GALNT17: variants seen among roughly 807,000 people sequenced by gnomAD.
GALNT17 encodes the protein polypeptide N-acetylgalactosaminyltransferase 17.
In GALNT17, 29 loss-of-function variants were observed where a neutral mutation model predicts 63.7. That is an observed-to-expected ratio of 0.46 (90% CI 0.34 to 0.62). The LOEUF (loss-of-function observed/expected upper bound fraction) is 0.62, where lower values mean the gene tolerates loss of function less well. GALNT17 is among the 20% of genes least tolerant of loss of function. GALNT17 has a pLI of 0.01. For missense variants in GALNT17, 603 were observed against 799.6 expected (o/e 0.75, Z 2.97); for synonymous variants, 305 against 318.3 (o/e 0.96, Z 0.45).
At chr7:71,406,754 A>T (rs1371208171) in intron 3 of GALNT17, among the ~76,000 whole-genome samples, 2 of 143,264 alleles carry the variant, frequency 1.4e-5, no homozygotes, top group Non-Finnish European at 1.5e-5. Flanking sequence ...TTTTTTTGAG[A>T]TCGCATCTTA....
chr7:71,138,974 C>T (rs1330071284), intron 1 of GALNT17, among the ~76,000 whole-genome samples: 1 of 152,012 alleles, frequency 6.6e-6, no homozygotes, highest in Non-Finnish European at 1.5e-5. Flanking sequence ...GATTTGGTCT[C>T]AAATAAATAA....
intron 1 of GALNT17, among the ~76,000 whole-genome samples, chr7:71,210,870 A>G (rs1789362316): frequency 6.6e-6 from 1 of 152,244 alleles, no homozygotes; most frequent in African/African-American, 2.4e-5. Context: ...GTCAACAGAC[A>G]TGAGCTCTTA....
intron 9 of GALNT17, among the ~76,000 whole-genome samples, chr7:71,696,059 A>G (rs1171741268): frequency 6.6e-6 from 1 of 152,226 alleles, no homozygotes; most frequent in Non-Finnish European, 1.5e-5. Flanking sequence ...ATCTGAATTA[A>G]TGGAATATAT....
chr7:71,563,579 C>CT lies in GALNT17; in HGVS notation c.963-7696dup, dbSNP rs201083247. On this transcript the variant is annotated intron_variant, in intron 5 of 10. Coordinates refer to ENST00000333538, the MANE Select transcript of GALNT17 (RefSeq NM_022479.3). ...CTGGCCTGTCCATGGGCAGATATGT[C>CT]TTTTTTTTTTCTTTTTAAATTTGTT... Among the ~76,000 whole-genome samples, 175 of 149,968 alleles carry CT rather than the reference C, an allele frequency of 1.2e-3. 3 individuals carry two copies. The East Asian group carries it at 0.027, about 23-fold the overall frequency.
intron 4 of GALNT17, among the ~76,000 whole-genome samples, chr7:71,418,028 C>T (rs1786571553): frequency 6.6e-6 from 1 of 152,206 alleles, no homozygotes; most frequent in South Asian, 2.1e-4. Context: ...AGATGCCTAC[C>T]ATATCCCTGG....
chr7:71,571,071 ACCAGTACATGCTAGGCTGGAAC>A (rs1373899087), intron 5 of GALNT17, among the ~76,000 whole-genome samples, 192 bp from the exon 6 acceptor site: 11,519 of 124,026 alleles, frequency 0.093, 3,064 homozygotes, highest in Middle Eastern at 0.16. Context: ...CTAGGCTGGA[ACCAGTACATGCTAGGCTGGAAC>A]CCAGTACATG....
At chr7:71,233,803 A>G (rs372945598) in intron 1 of GALNT17, among the ~76,000 whole-genome samples, 1 of 152,178 alleles carries the variant, frequency 6.6e-6, no homozygotes, top group South Asian at 2.1e-4. Context: ...GGGACTGGGT[A>G]ATTCATAAAG....
In GALNT17 at chr7:71,156,616, T is replaced by TCCTC. The variant is rs1554333974; in HGVS notation, c.238+23578_238+23581dup. Among the ~76,000 whole-genome samples, 231 of 143,770 alleles carry TCCTC rather than the reference T, an allele frequency of 1.6e-3. 3 individuals carry two copies. The highest frequency in any genetic ancestry group is 5.0e-3 in the African/African-American group (195 of 38,778). 94.3% of individuals were successfully genotyped at this position (143,770 alleles called of 152,430 possible). ...TTCCTTCCTTCCTTCCTTCCTTCCT[T>TCCTC]CCTCCATTCTTTGCCTTCCTTCCCT... On this transcript the variant is annotated intron_variant, in intron 1 of 10. Transcript: ENST00000333538.
intron 1 of GALNT17, among the ~76,000 whole-genome samples, chr7:71,198,335 G>A (rs532877703): frequency 1.4e-4 from 21 of 152,118 alleles, no homozygotes; most frequent in Admixed American, 2.6e-4. Flanking sequence ...ATAACTAACC[G>A]AAATGGGTGT....
At chr7:71,627,317 C>G (rs145605257) in intron 6 of GALNT17, among the ~76,000 whole-genome samples, 23 of 152,314 alleles carry the variant, frequency 1.5e-4, no homozygotes, top group African/African-American at 5.5e-4. Flanking sequence ...GAGCAACAGC[C>G]TTTCCAGGGG....
intron 5 of GALNT17, among the ~76,000 whole-genome samples, chr7:71,544,643 G>C (rs1456940441): frequency 6.6e-6 from 1 of 152,044 alleles, no homozygotes; most frequent in Non-Finnish European, 1.5e-5. Flanking sequence ...CTTGCCTGGG[G>C]GGAGTAGTTG....
Position 71,232,447 on chromosome 7 carries a change from A to AG in GALNT17, c.238+99413dup, listed in dbSNP as rs1165058893. ...TATTTTAGCCAAAGCAGTGGGGAGTAGGGGGGAGTCACAGATATAGGGCAT... is the reference window on the plus strand; with the variant it reads ...TATTTTAGCCAAAGCAGTGGGGAGTAGGGGGGGAGTCACAGATATAGGGCAT... On this transcript the variant is annotated intron_variant, in intron 1 of 10. Coordinates refer to ENST00000333538, the MANE Select transcript of GALNT17 (RefSeq NM_022479.3). 2.0e-5 allele frequency among the ~76,000 whole-genome samples: 3 copies of AG among 151,940 alleles called. No individual in the cohort carries two copies. The East Asian group carries it at 5.8e-4, about 29-fold the overall frequency.
At chr7:71,177,076 T>A (rs1788652155) in intron 1 of GALNT17, among the ~76,000 whole-genome samples, 2 of 152,150 alleles carry the variant, frequency 1.3e-5, no homozygotes, top group Admixed American at 1.3e-4. Context: ...CTCTGGGTTC[T>A]CCATGGAGTG....
In GALNT17 at chr7:71,511,015, A is replaced by G. The variant is rs181541403; in HGVS notation, c.963-60270A>G. Among the ~76,000 whole-genome samples the G allele has an allele frequency of 3.4e-3, 524 of 152,102 alleles. 6 individuals carry two copies. The highest frequency in any genetic ancestry group is 0.015 in the South Asian group (73 of 4,818). On this transcript the variant is annotated intron_variant, in intron 5 of 10. Coordinates refer to ENST00000333538, the MANE Select transcript of GALNT17 (RefSeq NM_022479.3). ...TAGTAAGACCCCATCTTCACAAATA[A>G]TAATAATAATGATAGAATTAGCCAG...
chr7:71,440,366 C>G (rs2116515498), intron 5 of GALNT17, among the ~76,000 whole-genome samples: 1 of 126,192 alleles, frequency 7.9e-6, no homozygotes, highest in African/African-American at 3.1e-5. Flanking sequence ...AGAACTCTTT[C>G]TTTCTTAATT....
At chr7:71,430,001 C>T (rs1332315233) in intron 5 of GALNT17, among the ~76,000 whole-genome samples, 1 of 152,072 alleles carries the variant, frequency 6.6e-6, no homozygotes, top group African/African-American at 2.4e-5. Context: ...GCCACCGTGC[C>T]TGGCTGTAAT....
At chr7:71,171,548 G>A (rs566780139) in intron 1 of GALNT17, among the ~76,000 whole-genome samples, 1 of 152,250 alleles carries the variant, frequency 6.6e-6, no homozygotes, top group South Asian at 2.1e-4. Flanking sequence ...TAAAACAAAT[G>A]TAGACAAATG....
intron 1 of GALNT17, among the ~76,000 whole-genome samples, chr7:71,184,016 C>T (rs936503573): frequency 1.3e-5 from 2 of 152,164 alleles, no homozygotes; most frequent in African/African-American, 4.8e-5. Context: ...CCAGCACCTC[C>T]CTCAAAATAC....
chr7:71,378,859 A>T (rs183938906), intron 2 of GALNT17, among the ~76,000 whole-genome samples: 1 of 152,124 alleles, frequency 6.6e-6, no homozygotes, highest in East Asian at 1.9e-4. Context: ...TAAATTAGCC[A>T]GGTGTGGTGG....
Sources: gnomAD v4.1 joint callset for allele counts (sites outside exome capture counted in the v4.1 genomes callset) on GRCh38, gnomAD v4.1.1 for gene constraint, MANE v1.5 for transcripts, NCBI Gene and HGNC (gene_info 2026-07-23, HGNC 2026-07-21) for gene names.